GAREM1: variants seen among roughly 807,000 people sequenced by gnomAD.
GAREM1 encodes the protein GRB2 associated regulator of MAPK1 subtype 1.
In GAREM1, 26 loss-of-function variants were observed where a neutral mutation model predicts 71.3. The observed-to-expected ratio is 0.36, with a 90% CI of 0.27 to 0.51. GAREM1 has a LOEUF of 0.51. GAREM1 is among the 20% of genes least tolerant of loss of function. The pLI is 0.95. For missense variants in GAREM1, 1,026 were observed against 1,103.1 expected (o/e 0.93, Z 0.99); for synonymous variants, 440 against 433.2 (o/e 1.02, Z -0.20).
intron 4 of GAREM1, among the ~76,000 whole-genome samples, chr18:32,280,117 A>C (rs1316856267): frequency 6.6e-6 from 1 of 152,240 alleles, no homozygotes. Flanking sequence ...AAAAGTAAAT[A>C]ATCACTAAGC....
chr18:32,420,046 A>G (rs1027006740), intron 1 of GAREM1, among the ~76,000 whole-genome samples: 22 of 152,334 alleles, frequency 1.4e-4, no homozygotes, highest in Admixed American at 3.3e-4. Context: ...GGCTCTGGAG[A>G]TAAACAGAAT....
chr18:32,327,328 A>G lies in GAREM1; in HGVS notation c.263-17005T>C, dbSNP rs1412312423. ...AAATAAGAAACATAGTCATCAGATA[A>G]TTAGTAGATGGATTCACTAATGTAC... On this transcript the variant is annotated intron_variant, in intron 2 of 5. Coordinates refer to ENST00000269209, the MANE Select transcript of GAREM1 (RefSeq NM_001242409.2). 2.6e-5 allele frequency among the ~76,000 whole-genome samples: 4 copies of G among 152,240 alleles called. No homozygotes were observed. In the East Asian group the frequency reaches 5.8e-4, roughly 22 times the overall value.
chr18:32,329,971 T>C (rs895604894), intron 2 of GAREM1, among the ~76,000 whole-genome samples: 30 of 152,014 alleles, frequency 2.0e-4, no homozygotes, highest in South Asian at 2.1e-4. Flanking sequence ...TGCTCACCCT[T>C]TGGAGATCAT....
chr18:32,376,760 C>T (rs1197723442), intron 2 of GAREM1, among the ~76,000 whole-genome samples: 2 of 152,194 alleles, frequency 1.3e-5, no homozygotes, highest in Non-Finnish European at 2.9e-5. Flanking sequence ...ATCGCTTGAA[C>T]CCGGGAGGCG....
At chr18:32,453,755 A>C (rs987463647) in intron 1 of GAREM1, among the ~76,000 whole-genome samples, 1 of 152,212 alleles carries the variant, frequency 6.6e-6, no homozygotes, top group Non-Finnish European at 1.5e-5. Context: ...GATGTGGACA[A>C]ATCTGCTGGC....
chr18:32,444,653 C>A (rs928047920), intron 1 of GAREM1, among the ~76,000 whole-genome samples: 1 of 152,154 alleles, frequency 6.6e-6, no homozygotes, highest in African/African-American at 2.4e-5. Context: ...GTAAAACCAG[C>A]TGAACTAAGC....
intron 2 of GAREM1, among the ~76,000 whole-genome samples, chr18:32,360,936 G>A (rs1297240156): frequency 6.6e-6 from 1 of 152,056 alleles, no homozygotes; most frequent in Non-Finnish European, 1.5e-5. Flanking sequence ...TGCCTCAGAC[G>A]TTAAAAACAC....
At chr18:32,413,266 A>G (rs1396707809) in intron 1 of GAREM1, 5 of 1,511,274 alleles carry the variant, frequency 3.3e-6, no homozygotes, top group Non-Finnish European at 4.6e-6. Context: ...TACATATTTG[A>G]CAGTTTGGGG....
At chr18:32,445,299 T>G (rs2048775926) in intron 1 of GAREM1, among the ~76,000 whole-genome samples, 1 of 152,006 alleles carries the variant, frequency 6.6e-6, no homozygotes, top group Non-Finnish European at 1.5e-5. Flanking sequence ...AAAGATATAT[T>G]GCTTTCACTA....
chr18:32,351,050 T>C (rs1480471090), intron 2 of GAREM1, among the ~76,000 whole-genome samples: 6 of 152,176 alleles, frequency 3.9e-5, no homozygotes, highest in Non-Finnish European at 5.9e-5. Flanking sequence ...TTGGTTGAAC[T>C]TCTGGTCCTT....
intron 2 of GAREM1, among the ~76,000 whole-genome samples, chr18:32,386,867 G>A (rs1002132918): frequency 1.3e-5 from 2 of 152,120 alleles, no homozygotes; most frequent in Non-Finnish European, 2.9e-5. Context: ...GCACTGTGCT[G>A]AGCCATTTAC....
rs367768048 is a variant in GAREM1, at chr18:32,266,712, C to T, written c.*1159G>A. 24 of 152,052 alleles carry T rather than the reference C, an allele frequency of 1.6e-4. No individual in the cohort carries two copies. Among genetic ancestry groups the T allele is most frequent in the African/African-American group, 4.8e-4 (20 of 41,396 alleles). The allele number at this position is 152,052 out of a possible 1,614,324, so 9.4% of individuals were successfully genotyped here. A position where few individuals can be genotyped will look rare whatever the true frequency, so the allele number is the denominator to read the frequency against. ...ATGTAGCATATATAATAATAAAGGC[C>T]GGTGCGTCTGATTTCTCAGCTCTCG... On this transcript the variant is annotated 3_prime_UTR_variant, in exon 6 of 6. Coordinates refer to ENST00000269209, the MANE Select transcript of GAREM1 (RefSeq NM_001242409.2).
chr18:32,352,362 A>G (rs1043627334), intron 2 of GAREM1, among the ~76,000 whole-genome samples: 3 of 152,198 alleles, frequency 2.0e-5, no homozygotes, highest in Non-Finnish European at 1.5e-5. Flanking sequence ...GGGCGGCAAG[A>G]GCATCCTGCC....
At chr18:32,352,967 G>C (rs569039828) in intron 2 of GAREM1, among the ~76,000 whole-genome samples, 2 of 152,214 alleles carry the variant, frequency 1.3e-5, no homozygotes, top group East Asian at 3.9e-4. Context: ...AACAACAAAG[G>C]AGTCAATTTT....
At chr18:32,390,924 T>G (rs904004870) in intron 2 of GAREM1, among the ~76,000 whole-genome samples, 1 of 152,212 alleles carries the variant, frequency 6.6e-6, no homozygotes, top group African/African-American at 2.4e-5. Context: ...ATCCAATGTA[T>G]AACCAAGTTT....
intron 4 of GAREM1, among the ~76,000 whole-genome samples, chr18:32,282,885 A>G (rs2046969096): frequency 6.6e-6 from 1 of 152,246 alleles, no homozygotes; most frequent in Non-Finnish European, 1.5e-5. Flanking sequence ...TGCCTTTTGT[A>G]GAGTACATCT....
At chr18:32,456,176 C>A (rs1330811948) in intron 1 of GAREM1, among the ~76,000 whole-genome samples, 1 of 151,904 alleles carries the variant, frequency 6.6e-6, no homozygotes, top group Non-Finnish European at 1.5e-5. Context: ...TAGATTAGGT[C>A]AATTGATCGG....
intron 2 of GAREM1, among the ~76,000 whole-genome samples, chr18:32,324,313 T>C (rs1468756698): frequency 1.3e-5 from 2 of 152,200 alleles, no homozygotes; most frequent in African/African-American, 4.8e-5. Context: ...ATTTTAACAT[T>C]CCACCATTAT....
At chr18:32,351,327 T>C (rs1394326131) in intron 2 of GAREM1, among the ~76,000 whole-genome samples, 41 of 152,286 alleles carry the variant, frequency 2.7e-4, no homozygotes, top group Admixed American at 2.6e-3. Context: ...TTATTACTCA[T>C]TAATCTGACT....
Sources: allele counts gnomAD v4.1 joint callset (sites outside exome capture counted in the v4.1 genomes callset), GRCh38; gene constraint gnomAD v4.1.1; transcripts MANE v1.5; gene names NCBI Gene and HGNC (gene_info 2026-07-23, HGNC 2026-07-21).